The following NTF3 variants were observed in gnomAD, a reference collection of about 807,000 sequenced individuals.
NTF3 encodes the protein neurotrophin-3.
A neutral mutation model predicts 26.3 loss-of-function variants in NTF3; 8 were observed. The observed-to-expected ratio is 0.30, with a 90% confidence interval of 0.18 to 0.55. NTF3 has a LOEUF of 0.55. Ranked by LOEUF, NTF3 falls within the 20% of genes least tolerant of loss-of-function variation. NTF3 has a pLI of 0.93. For synonymous variants in NTF3, 154 were observed against 145.5 expected, an observed-to-expected ratio of 1.06 and a Z score of -0.42; for missense variants, 276 against 352.9, an observed-to-expected ratio of 0.78 and a Z score of 1.75.
At chr12:5,473,944 T>C (rs1043197774) in intron 1 of NTF3, among the ~76,000 whole-genome samples, 10 of 152,342 alleles carry the variant, frequency 6.6e-5, no homozygotes, top group African/African-American at 2.4e-4. Context: ...CACATGCGCA[T>C]CTTCAGTCCC....
intron 1 of NTF3, among the ~76,000 whole-genome samples, chr12:5,434,832 G>C (rs1356787353): frequency 6.6e-6 from 1 of 152,024 alleles, no homozygotes. Context: ...GGATGTGTGT[G>C]GGGGGTGGGG....
intron 1 of NTF3, among the ~76,000 whole-genome samples, chr12:5,444,146 T>C (rs969099612): frequency 1.3e-5 from 2 of 152,252 alleles, no homozygotes; most frequent in Non-Finnish European, 1.5e-5. Context: ...GTCTCCTTAA[T>C]TCTTTTGGGG....
intron 1 of NTF3, among the ~76,000 whole-genome samples, chr12:5,443,424 G>A (rs558540163): frequency 6.6e-6 from 1 of 152,292 alleles, no homozygotes; most frequent in Admixed American, 6.5e-5. Flanking sequence ...TGCAGCAGGA[G>A]AGAGAGAATT....
intron 1 of NTF3, among the ~76,000 whole-genome samples, chr12:5,489,972 A>G (rs1042786452): frequency 6.6e-6 from 1 of 152,198 alleles, no homozygotes; most frequent in Non-Finnish European, 1.5e-5. Context: ...AGAAAACACC[A>G]TATGTGGGAA....
chr12:5,475,315 T>C (rs1474014445), intron 1 of NTF3, among the ~76,000 whole-genome samples: 2 of 152,030 alleles, frequency 1.3e-5, no homozygotes, highest in African/African-American at 4.8e-5. Context: ...CACACCTGCC[T>C]GACTTTGAAA....
chr12:5,491,103 C>T (rs1940930967), intron 1 of NTF3, among the ~76,000 whole-genome samples: 1 of 152,220 alleles, frequency 6.6e-6, no homozygotes. Flanking sequence ...AACCAAATGC[C>T]CCCGTCACTC....
intron 1 of NTF3, among the ~76,000 whole-genome samples, chr12:5,434,838 T>G (rs1278235461): frequency 7.8e-5 from 11 of 141,592 alleles, no homozygotes; most frequent in African/African-American, 1.3e-4. Context: ...GTGTGGGGGG[T>G]GGGGGAAGAT....
At chr12:5,478,566 TGG>T (rs753637207) in intron 1 of NTF3, among the ~76,000 whole-genome samples, 11 of 152,326 alleles carry the variant, frequency 7.2e-5, no homozygotes, top group Non-Finnish European at 1.5e-4. Flanking sequence ...GGCCTCCCCA[TGG>T]GGCAGCATTT....
chr12:5,495,145 A>G lies in NTF3; in HGVS notation c.*157A>G. On this transcript the variant is annotated 3_prime_UTR_variant, in exon 2 of 2. Coordinates refer to ENST00000423158, the MANE Select transcript of NTF3 (RefSeq NM_001102654.2). Reference sequence around the variant, plus strand: ...TATAAGCTTTTTTCTCAATAAAATCAGTGTGCTTGCCTTCCCTCAGGCCTC... The same window carrying G: ...TATAAGCTTTTTTCTCAATAAAATCGGTGTGCTTGCCTTCCCTCAGGCCTC... The G allele has an allele frequency of 1.2e-6, 1 of 816,912 alleles. No homozygotes were observed. Among genetic ancestry groups the G allele is most frequent in the Non-Finnish European group, 1.9e-6 (1 of 530,806 alleles). 50.6% of individuals were successfully genotyped at this position (816,912 alleles called of 1,614,324 possible).
upstream of NTF3, chr12:5,432,066 G>C (rs1940097869): frequency 2.2e-6 from 1 of 451,836 alleles, no homozygotes; most frequent in African/African-American, 2.0e-5. Context: ...GAGCCATCTG[G>C]CCGGGTTGGC....
chr12:5,481,208 T>C (rs1241833624), intron 1 of NTF3, among the ~76,000 whole-genome samples: 1 of 152,106 alleles, frequency 6.6e-6, no homozygotes, highest in Non-Finnish European at 1.5e-5. Flanking sequence ...GAGGAGCAAT[T>C]TGATGCCGGA....
At chr12:5,446,880 T>C (rs1940313446) in intron 1 of NTF3, among the ~76,000 whole-genome samples, 1 of 152,170 alleles carries the variant, frequency 6.6e-6, no homozygotes, top group Non-Finnish European at 1.5e-5. Flanking sequence ...ACATAATGCT[T>C]GGAATGAGCC....
At chr12:5,447,623 G>A (rs1940322276) in intron 1 of NTF3, among the ~76,000 whole-genome samples, 1 of 152,220 alleles carries the variant, frequency 6.6e-6, no homozygotes, top group Admixed American at 6.5e-5. Flanking sequence ...GGGGTTTCAG[G>A]TGAGATGATG....
chr12:5,482,715 C>G (rs542688446), intron 1 of NTF3, among the ~76,000 whole-genome samples: 12 of 151,766 alleles, frequency 7.9e-5, no homozygotes, highest in Non-Finnish European at 1.8e-4. Flanking sequence ...CTCCTCCCCA[C>G]TCACTGTCTC....
At chr12:5,470,204 G>A (rs112081968) in intron 1 of NTF3, among the ~76,000 whole-genome samples, 4,468 of 152,274 alleles carry the variant, frequency 0.029, 132 homozygotes, top group African/African-American at 0.076. Context: ...GATTACAGGC[G>A]TGAGCCACTG....
chr12:5,464,725 C>T (rs754824394), intron 1 of NTF3, among the ~76,000 whole-genome samples: 3 of 152,156 alleles, frequency 2.0e-5, no homozygotes, highest in Non-Finnish European at 4.4e-5. Flanking sequence ...TGACCATGTT[C>T]TCTCTTACTT....
chr12:5,462,358 C>T (rs1033252101), intron 1 of NTF3, among the ~76,000 whole-genome samples: 2 of 152,214 alleles, frequency 1.3e-5, no homozygotes, highest in African/African-American at 2.4e-5. Flanking sequence ...ATTCAAGTTA[C>T]TGACCTACTA....
At chr12:5,435,034 G>A (rs146450647) in intron 1 of NTF3, among the ~76,000 whole-genome samples, 1 of 152,288 alleles carries the variant, frequency 6.6e-6, no homozygotes, top group East Asian at 1.9e-4. Context: ...CCTCCCCAGA[G>A]AGAAGAGAAT....
At chr12:5,446,912 C>T (rs1160636183) in intron 1 of NTF3, among the ~76,000 whole-genome samples, 2 of 152,158 alleles carry the variant, frequency 1.3e-5, no homozygotes, top group East Asian at 1.9e-4. Flanking sequence ...ATGCGAGAAC[C>T]GGATGGTAGC....
Sources: gnomAD v4.1 joint callset for allele counts (sites outside exome capture counted in the v4.1 genomes callset) on GRCh38, gnomAD v4.1.1 for gene constraint, MANE v1.5 for transcripts, NCBI Gene and HGNC (gene_info 2026-07-23, HGNC 2026-07-21) for gene names.